Variants in UPB1 observed in about 807,000 individuals in gnomAD.
UPB1 encodes the protein beta-ureidopropionase 1.
In UPB1, 40 loss-of-function variants were observed where a neutral mutation model predicts 49.1. The ratio of observed to expected loss-of-function variants is 0.81; its 90% CI spans 0.63 to 1.06. The LOEUF (loss-of-function observed/expected upper bound fraction) is 1.06, where lower values mean the gene tolerates loss of function less well. Among genes scored for constraint, UPB1 ranks in the 50% least tolerant of loss-of-function variants. UPB1 has a pLI of 0.00. For synonymous variants in UPB1, 207 were observed against 198.2 expected (o/e 1.04, Z -0.38); for missense variants, 499 against 505.9 (o/e 0.99, Z 0.13).
rs1487105124 is a variant in UPB1 at position 24,509,022 on chromosome 22, C to CAA, written c.365-1725_365-1724dup. Among the ~76,000 whole-genome samples the CAA allele has an allele frequency of 2.0e-5, 3 of 152,236 alleles. No individual in the cohort carries two copies. The East Asian group carries it at 5.8e-4, about 29-fold the overall frequency. ...GACGAATAGCACAGTAGGAAATAGG[C>CAA]AAAGGGTATGAACAAAAAAATGTAG... On this transcript the variant is annotated intron_variant, in intron 3 of 9. Transcript: ENST00000326010.
intron 1 of UPB1, 112 bp from the exon 2 acceptor site, chr22:24,499,995 C>T: frequency 9.0e-6 from 14 of 1,553,050 alleles, no homozygotes; most frequent in East Asian, 2.3e-5. Flanking sequence ...GCCTTCTAGC[C>T]AGGACATCCT....
At chr22:24,511,913 C>T (rs2147023762) in intron 4 of UPB1, among the ~76,000 whole-genome samples, 1 of 152,248 alleles carries the variant, frequency 6.6e-6, no homozygotes, top group African/African-American at 2.4e-5. Flanking sequence ...CCGCACCTGG[C>T]CTGAATTATA....
chr22:24,515,446 C>T, intron 6 of UPB1, 76 bp downstream of exon 6: 5 of 1,601,832 alleles, frequency 3.1e-6, no homozygotes, highest in Non-Finnish European at 4.3e-6. Flanking sequence ...TGTGGAGCTC[C>T]AAGGTGGCAG....
rs770091394 is a variant in UPB1, at chr22:24,502,203, G to A, written c.354G>A (p.Gln118=). The change falls in exon 3 of 10, where the codon CAG becomes CAA. Residue 118 remains glutamine, a synonymous_variant. Transcript: ENST00000326010. ...AMCGVNIICF[Q]EAWTMPFAFC... ...GTGGAGTCAACATCATCTGTTTCCAGGAAGCATGGAGTGAGTCTTTTTTAT... is the reference window on the plus strand; with the variant it reads ...GTGGAGTCAACATCATCTGTTTCCAAGAAGCATGGAGTGAGTCTTTTTTAT... 9.9e-6 allele frequency: 16 copies of A among 1,614,064 alleles called. No individual in the cohort carries two copies. The East Asian group carries it at 3.3e-4, about 34-fold the overall frequency.
At chr22:24,509,004 A>C (rs2044143498) in intron 3 of UPB1, among the ~76,000 whole-genome samples, 1 of 152,242 alleles carries the variant, frequency 6.6e-6, no homozygotes, top group South Asian at 2.1e-4. Context: ...AAAGACGAAT[A>C]GCACAGTAGG....
At chr22:24,499,134 G>A (rs1355247544) in intron 1 of UPB1, among the ~76,000 whole-genome samples, 1 of 152,194 alleles carries the variant, frequency 6.6e-6, no homozygotes, top group African/African-American at 2.4e-5. Context: ...GAGCTGTCAG[G>A]GCCGTCACAT....
In UPB1 at chr22:24,520,528, C is replaced by T. The variant is rs886512946; in HGVS notation, c.873+60C>T. 6 of 1,579,262 alleles carry T rather than the reference C, an allele frequency of 3.8e-6. No individual in the cohort carries two copies. In the African/African-American group the frequency reaches 5.4e-5, roughly 14 times the overall value. On this transcript the variant is annotated intron_variant, in intron 7 of 9. Coordinates refer to ENST00000326010, the MANE Select transcript of UPB1 (RefSeq NM_016327.3). ...CCACCTGGTGGCTCTGGTGGGGACA[C>T]CCCGTTCCCTCTGCACACATGCCAC...
intron 8 of UPB1, 147 bp from the exon 9 acceptor site, chr22:24,523,472 A>G (rs1317836621): frequency 2.6e-6 from 3 of 1,176,168 alleles, no homozygotes; most frequent in South Asian, 1.3e-5. Flanking sequence ...GATGAGAGAC[A>G]GGCCTTTTGG....
chr22:24,499,972 C>T, intron 1 of UPB1, 135 bp from the exon 2 acceptor site: 1 of 1,338,334 alleles, frequency 7.5e-7, no homozygotes, highest in Non-Finnish European at 1.0e-6. Flanking sequence ...TCCCTTGGGC[C>T]CTGGCACTGA....
At chr22:24,505,881 T>A (rs2044080702) in intron 3 of UPB1, among the ~76,000 whole-genome samples, 1 of 150,950 alleles carries the variant, frequency 6.6e-6, no homozygotes, top group South Asian at 2.1e-4. Flanking sequence ...CCTGCCTGAT[T>A]TCTGTATTTT....
intron 3 of UPB1, among the ~76,000 whole-genome samples, chr22:24,504,271 C>A (rs1201839123): frequency 2.0e-5 from 3 of 152,174 alleles, no homozygotes; most frequent in Non-Finnish European, 4.4e-5. Flanking sequence ...CTTTTTGAGG[C>A]CTTGCCCATC....
chr22:24,499,740 T>C (rs1469100349), intron 1 of UPB1, among the ~76,000 whole-genome samples: 1 of 152,198 alleles, frequency 6.6e-6, no homozygotes, highest in Non-Finnish European at 1.5e-5. Context: ...CTGATTCTGG[T>C]TCAGAAACAC....
chr22:24,503,629 A>T (rs140682685), intron 3 of UPB1: 2 of 152,274 alleles, frequency 1.3e-5, no homozygotes, highest in Non-Finnish European at 2.9e-5. Context: ...CCACCAGCAG[A>T]CTGGGCTGCC....
chr22:24,497,850 C>T (rs2043920779), intron 1 of UPB1, among the ~76,000 whole-genome samples: 1 of 152,142 alleles, frequency 6.6e-6, no homozygotes, highest in East Asian at 1.9e-4. Context: ...GTCTGTTTCC[C>T]CAAAGGTCTG....
At chr22:24,517,016 C>G (rs906756748) in intron 6 of UPB1, among the ~76,000 whole-genome samples, 8 of 152,130 alleles carry the variant, frequency 5.3e-5, no homozygotes, top group East Asian at 1.9e-4. Context: ...GAGCCACTGC[C>G]CCCGGCCAAA....
In UPB1 at chr22:24,500,163, T is replaced by C. The variant is rs1404152270; in HGVS notation, c.161T>C (p.Leu54Pro). Reference sequence around the variant, plus strand: ...GCTGCCTCCAGAGAAGACTTTGAACTGCAGGGATATGCCTTTGAAGCAGCG... The same window carrying C: ...GCTGCCTCCAGAGAAGACTTTGAACCGCAGGGATATGCCTTTGAAGCAGCG... ...FEAASREDFELQGYAFEAAEE... is the reference protein window; with the variant it reads ...FEAASREDFEPQGYAFEAAEE... Residue 54 changes from leucine (L) to proline (P), a missense_variant, in exon 2 of 10, where the codon CTG becomes CCG. Coordinates refer to ENST00000326010, the MANE Select transcript of UPB1 (RefSeq NM_016327.3). The C allele has an allele frequency of 6.2e-7, 1 of 1,614,222 alleles. No homozygotes were observed. The highest frequency in any genetic ancestry group is 1.3e-5 in the African/African-American group (1 of 75,050).
At chr22:24,517,983 G>C (rs577851730) in intron 6 of UPB1, among the ~76,000 whole-genome samples, 1 of 152,294 alleles carries the variant, frequency 6.6e-6, no homozygotes, top group East Asian at 1.9e-4. Flanking sequence ...TGGCCAACAT[G>C]GTGAAACCTC....
At chr22:24,502,588 A>G (rs935826839) in intron 3 of UPB1, 8 of 757,696 alleles carry the variant, frequency 1.1e-5, no homozygotes, top group Non-Finnish European at 2.0e-5. Context: ...CCATCTAAAC[A>G]TCCTGGTAGT....
chr22:24,495,611 C>T (rs1156753635), intron 1 of UPB1, 104 bp downstream of exon 1: 5 of 1,275,064 alleles, frequency 3.9e-6, no homozygotes, highest in South Asian at 1.2e-5. Flanking sequence ...TCAGGGGAGG[C>T]GGTGAGAAGT....
Sources: allele counts gnomAD v4.1 joint callset (sites outside exome capture counted in the v4.1 genomes callset), GRCh38; gene constraint gnomAD v4.1.1; transcripts MANE v1.5; gene names NCBI Gene and HGNC (gene_info 2026-07-23, HGNC 2026-07-21).